TSBP1: variants seen among roughly 807,000 people sequenced by gnomAD.
TSBP1 encodes the protein testis expressed basic protein 1.
TSBP1 carries 56 observed loss-of-function variants against 68.8 expected under a neutral mutation model. The observed-to-expected ratio is 0.81, with a 90% CI of 0.66 to 1.02. The LOEUF (loss-of-function observed/expected upper bound fraction) is 1.02, where lower values mean the gene tolerates loss of function less well. TSBP1 is among the 50% of genes least tolerant of loss of function. The pLI is 0.00. For synonymous variants in TSBP1, 171 were observed against 208.7 expected (o/e 0.82, Z 1.56); for missense variants, 502 against 641.2 (o/e 0.78, Z 2.34).
At chr6:32,362,802 A>G (rs981223756) in intron 6 of TSBP1, among the ~76,000 whole-genome samples, 1 of 152,180 alleles carries the variant, frequency 6.6e-6, no homozygotes, top group African/African-American at 2.4e-5. Flanking sequence ...TCCATTTTGA[A>G]TTGATCTTTG....
At chr6:32,320,031 C>T in intron 18 of TSBP1, 3 of 402,682 alleles carry the variant, frequency 7.5e-6, no homozygotes, top group Non-Finnish European at 1.5e-5. Context: ...TTGGAATTCT[C>T]CAATTTGTTG....
At chr6:32,354,442 A>G (rs1284655300) in intron 8 of TSBP1, among the ~76,000 whole-genome samples, 1 of 152,104 alleles carries the variant, frequency 6.6e-6, no homozygotes, top group African/African-American at 2.4e-5. Flanking sequence ...ATGCAGAGAA[A>G]TTGGAAATAT....
chr6:32,318,551 T>C (rs1767225476), intron 18 of TSBP1, among the ~76,000 whole-genome samples: 1 of 152,122 alleles, frequency 6.6e-6, no homozygotes, highest in Non-Finnish European at 1.5e-5. Flanking sequence ...CATAATGAAA[T>C]ATTATTTGGC....
intron 2 of TSBP1, among the ~76,000 whole-genome samples, chr6:32,369,182 G>C (rs566864568): frequency 6.6e-6 from 1 of 151,522 alleles, no homozygotes; most frequent in African/African-American, 2.4e-5. Context: ...CTCTGTATTT[G>C]TCTCTTCTTA....
intron 16 of TSBP1, among the ~76,000 whole-genome samples, chr6:32,327,890 C>T (rs1768428045): frequency 1.3e-5 from 2 of 151,550 alleles, no homozygotes; most frequent in Admixed American, 1.3e-4. Context: ...CTCCTGGGTT[C>T]ATGCCATTCT....
intron 9 of TSBP1, among the ~76,000 whole-genome samples, chr6:32,341,199 A>G (rs1309168649): frequency 1.3e-5 from 2 of 152,164 alleles, no homozygotes; most frequent in Non-Finnish European, 1.5e-5. Context: ...AGAGTAAAGA[A>G]GAAGATAAAA....
Position 32,351,634 on chromosome 6 carries a change from ATTAAAG to A in TSBP1, c.260-1811_260-1806del, listed in dbSNP as rs147712241. Among the ~76,000 whole-genome samples, 1,083 of 152,242 alleles carry A rather than the reference ATTAAAG, an allele frequency of 7.1e-3. 7 individuals are homozygous for A. The highest frequency in any genetic ancestry group is 0.065 in the Middle Eastern group (19 of 294). On this transcript the variant is annotated intron_variant, in intron 8 of 22. Coordinates refer to ENST00000612031, the Ensembl canonical transcript of TSBP1. ...ACAAATATGGGCAAAATTCATAGCAATTAAAGTTAAATTTTTCTGTAATTAGAAAGA... is the reference window on the plus strand; with the variant it reads ...ACAAATATGGGCAAAATTCATAGCAATTAAATTTTTCTGTAATTAGAAAGA...
rs1290409961 is a variant in TSBP1 at position 32,333,385 on chromosome 6, T to C, written c.473-1331A>G. On this transcript the variant is annotated intron_variant, in intron 14 of 22. Coordinates refer to ENST00000612031, the Ensembl canonical transcript of TSBP1. The surrounding 1 kb of genome is among the most constrained non-coding windows in gnomAD (Gnocchi z 4.2). Reference sequence around the variant, plus strand: ...ATCTGAACTGGGAGAATTGTAAATATGTATTAAGAAGCCATAACTTTGGGC... The same window carrying C: ...ATCTGAACTGGGAGAATTGTAAATACGTATTAAGAAGCCATAACTTTGGGC... Among the ~76,000 whole-genome samples, 1 of 152,204 alleles carries C rather than the reference T, an allele frequency of 6.6e-6. No homozygotes were observed.
Position 32,315,842 on chromosome 6 carries a change from A to G in TSBP1, c.560-50T>C. 2 of 1,206,522 alleles carry G rather than the reference A, an allele frequency of 1.7e-6. No individual in the cohort carries two copies. Among genetic ancestry groups the G allele is most frequent in the Non-Finnish European group, 2.3e-6 (2 of 856,044 alleles). 74.7% of individuals were successfully genotyped at this position (1,206,522 alleles called of 1,614,324 possible). ...CATTTAATTTTTCTCAAATGGAGAA[A>G]ACATAGCATTATCTAACATATTTTG... is the stretch of plus-strand genomic sequence containing the variant. On this transcript the variant is annotated intron_variant, in intron 18 of 22. Transcript: ENST00000612031. The surrounding 1 kb of genome is among the most constrained non-coding windows in gnomAD (Gnocchi z 5.4).
chr6:32,349,475 C>A, intron 9 of TSBP1: 1 of 389,790 alleles, frequency 2.6e-6, no homozygotes, highest in Non-Finnish European at 4.6e-6. Context: ...ACTTTTTGCT[C>A]TTATCCTTTA....
At chr6:32,322,574 A>T in intron 18 of TSBP1, 68 bp from the exon 20 acceptor site, 1 of 1,246,778 alleles carries the variant, frequency 8.0e-7, no homozygotes, top group Non-Finnish European at 1.2e-6. Flanking sequence ...ATTATCTAAT[A>T]TATTTTGCTG....
chr6:32,369,991 CA>C lies in TSBP1; in HGVS notation c.14-9del. On this transcript the variant is annotated splice_polypyrimidine_tract_variant and intron_variant, in intron 1 of 22. Coordinates refer to ENST00000612031, the Ensembl canonical transcript of TSBP1. ...TGACAGCCAAAGTTATTTCTGAAAACAAAAACTCACCTGTAAACATGCTTAT... is the reference window on the plus strand; with the variant it reads ...TGACAGCCAAAGTTATTTCTGAAAACAAAACTCACCTGTAAACATGCTTAT... 6.3e-7 allele frequency: 1 copy of C among 1,580,572 alleles called. No homozygotes were observed. Among genetic ancestry groups the C allele is most frequent in the Non-Finnish European group, 8.7e-7 (1 of 1,150,492 alleles).
At chr6:32,359,879 T>C (rs1027879584) in intron 6 of TSBP1, among the ~76,000 whole-genome samples, 1 of 151,448 alleles carries the variant, frequency 6.6e-6, no homozygotes, top group Admixed American at 6.6e-5. Context: ...ACTCAGATTA[T>C]TTTTTTCTTT....
exon 1 of TSBP1, chr6:32,371,870 T>G (rs2050189): frequency 1.4e-6 from 1 of 725,278 alleles, no homozygotes; most frequent in Non-Finnish European, 2.4e-6. Context: ...TGAGAAATTG[T>G]GTGGAGCAGA....
intron 7 of TSBP1, 56 bp from the exon 8 acceptor site, chr6:32,355,200 C>T: frequency 1.3e-6 from 2 of 1,560,456 alleles, no homozygotes; most frequent in South Asian, 2.2e-5. Context: ...GATCCCTAAT[C>T]TTTACATATC....
intron 19 of TSBP1, among the ~76,000 whole-genome samples, chr6:32,305,118 AGGCCTTTCCTGGG>A (rs1765669679): frequency 6.6e-6 from 1 of 152,194 alleles, no homozygotes; most frequent in African/African-American, 2.4e-5. Flanking sequence ...GAGTTTGCCT[AGGCCTTTCCTGGG>A]CCTTGAAGCA....
At chr6:32,309,272 T>C (rs1766124368) in intron 19 of TSBP1, among the ~76,000 whole-genome samples, 1 of 152,104 alleles carries the variant, frequency 6.6e-6, no homozygotes, top group African/African-American at 2.4e-5. Context: ...TCCTTCTCCT[T>C]CTTCTCTTCC....
rs188574958 is a variant in TSBP1 at position 32,339,633 on chromosome 6, T to C, written c.355A>G (p.Ile119Val). Residue 119 changes from isoleucine (I) to valine (V), a missense_variant, in exon 10 of 23, where the codon ATA (isoleucine) becomes GTA (valine). Ile to Val is a conservative substitution (Grantham distance 29, BLOSUM62 3). Coordinates refer to ENST00000612031, the Ensembl canonical transcript of TSBP1. ...TCTTCAGTTGTTTGTAAACATTTTA[T>C]ACTACCTATAATAAAAATTGAAAAG... 3.0e-4 allele frequency: 366 copies of C among 1,210,252 alleles called. 2 individuals are homozygous for C. The highest frequency in any genetic ancestry group is 5.1e-5 in the Non-Finnish European group (42 of 827,386). 75.0% of individuals were successfully genotyped at this position (1,210,252 alleles called of 1,614,324 possible). A position where few individuals can be genotyped will look rare whatever the true frequency, so the allele number is the denominator to read the frequency against.
chr6:32,333,922 C>T lies in TSBP1; in HGVS notation c.472+1515G>A. On this transcript the variant is annotated intron_variant, in intron 14 of 22. Transcript: ENST00000612031. This position sits in a 1 kb window ranked among gnomAD's most constrained non-coding sequence, Gnocchi z 4.2. The stretch of plus-strand genomic sequence containing the variant: ...GAAGATGGCTTTCCAGATCTGGATA[C>T]CCTTGGCTATGAGCAGTAAACCAGT... 1 of 200,672 alleles carries T rather than the reference C, an allele frequency of 5.0e-6. No individual in the cohort carries two copies. The highest frequency in any genetic ancestry group is 1.1e-5 in the Non-Finnish European group (1 of 92,108). 12.4% of individuals were successfully genotyped at this position (200,672 alleles called of 1,614,324 possible).
Sources: gnomAD v4.1 joint callset for allele counts (sites outside exome capture counted in the v4.1 genomes callset) on GRCh38, gnomAD v4.1.1 for gene constraint, Gnocchi (gnomAD v3.1) non-coding constraint, MANE v1.5 for transcripts, NCBI Gene and HGNC (gene_info 2026-07-23, HGNC 2026-07-21) for gene names.